The following CCDC178 variants were observed in gnomAD, a reference collection of about 807,000 sequenced individuals.
CCDC178 encodes the protein coiled-coil domain-containing protein 178.
In CCDC178, 126 loss-of-function variants were observed where a neutral mutation model predicts 117.4. The observed-to-expected ratio is 1.07, with a 90% CI of 0.93 to 1.24. CCDC178 has a LOEUF of 1.24. Among genes scored for constraint, CCDC178 ranks in the 50% most tolerant of loss-of-function variants. The pLI, the probability that CCDC178 is intolerant of heterozygous loss-of-function variation, is 0.00. For synonymous variants in CCDC178, 283 were observed against 313.4 expected, an observed-to-expected ratio of 0.90 and a Z score of 1.02; for missense variants, 1,030 against 986.9, an observed-to-expected ratio of 1.04 and a Z score of -0.59.
At chr18:33,314,512 A>T (rs866350652) in intron 11 of CCDC178, among the ~76,000 whole-genome samples, 14 of 152,274 alleles carry the variant, frequency 9.2e-5, no homozygotes, top group Middle Eastern at 6.8e-3. Flanking sequence ...AGAAAAATAA[A>T]ACTGAAGCCT....
intron 21 of CCDC178, among the ~76,000 whole-genome samples, chr18:32,994,385 G>T (rs760898210): frequency 1.3e-5 from 2 of 152,100 alleles, no homozygotes; most frequent in Non-Finnish European, 2.9e-5. Context: ...AAACTTTAAA[G>T]AATAAGAATT....
At chr18:33,102,215 G>C (rs1290438281) in intron 20 of CCDC178, among the ~76,000 whole-genome samples, 2 of 151,714 alleles carry the variant, frequency 1.3e-5, no homozygotes, top group African/African-American at 4.8e-5. Context: ...TCTTGCCCAA[G>C]GTCACACATG....
chr18:33,083,739 T>A (rs1212938529), intron 21 of CCDC178, among the ~76,000 whole-genome samples: 2 of 152,230 alleles, frequency 1.3e-5, no homozygotes, highest in African/African-American at 2.4e-5. Flanking sequence ...TAAGTTCATG[T>A]TTGACACAGA....
chr18:33,017,735 T>C (rs971679902), intron 21 of CCDC178, among the ~76,000 whole-genome samples: 2 of 151,812 alleles, frequency 1.3e-5, no homozygotes, highest in South Asian at 4.1e-4. Flanking sequence ...GATATAAGTA[T>C]AGAAACACAG....
Position 33,380,333 on chromosome 18 carries a change from T to A in CCDC178, c.208+9207A>T, listed in dbSNP as rs550519810. Among the ~76,000 whole-genome samples the A allele has an allele frequency of 3.3e-5, 5 of 152,334 alleles. No individual in the cohort carries two copies. In the East Asian group the frequency reaches 5.8e-4, roughly 18 times the overall value. ...TCCTGCTCCACAGAAAGCAAAGCAG[T>A]ACTCTAATTTCTGGTCTGAGACTAA... is the stretch of plus-strand genomic sequence containing the variant. On this transcript the variant is annotated intron_variant, in intron 5 of 22. Coordinates refer to ENST00000383096, the MANE Select transcript of CCDC178 (RefSeq NM_001105528.4).
intron 20 of CCDC178, among the ~76,000 whole-genome samples, chr18:33,101,521 TCTTTGTA>T (rs1403613105): frequency 1.3e-5 from 2 of 151,880 alleles, no homozygotes; most frequent in African/African-American, 4.8e-5. Flanking sequence ...AAGAATAATA[TCTTTGTA>T]CTGATGGCAC....
chr18:33,336,944 A>T (rs955562547), intron 9 of CCDC178, among the ~76,000 whole-genome samples: 1 of 151,930 alleles, frequency 6.6e-6, no homozygotes, highest in African/African-American at 2.4e-5. Context: ...GAATGGTGGT[A>T]GCATTTTGAT....
Position 32,974,584 on chromosome 18 carries a change from T to TATTC in CCDC178, c.2485_2486insGAAT (p.Asp829GlyfsTer51). On this transcript the variant is annotated frameshift_variant, in exon 22 of 23. Coordinates refer to ENST00000383096, the MANE Select transcript of CCDC178 (RefSeq NM_001105528.4). LOFTEE classifies it high-confidence loss of function. ...TATTTTCTGAATACTCTCCTGAGAG[T>TATTC]CTGTCTGGAAGTTGGCCAGCCTCAT... 5 of 1,613,592 alleles carry TATTC rather than the reference T, an allele frequency of 3.1e-6. No homozygotes were observed. Among genetic ancestry groups the TATTC allele is most frequent in the Non-Finnish European group, 2.5e-6 (3 of 1,179,752 alleles).
At chr18:33,111,509 G>A (rs1304581203) in intron 20 of CCDC178, among the ~76,000 whole-genome samples, 3 of 151,506 alleles carry the variant, frequency 2.0e-5, no homozygotes, top group Non-Finnish European at 4.4e-5. Flanking sequence ...TATATTTACT[G>A]AAAATTTTAA....
intron 20 of CCDC178, among the ~76,000 whole-genome samples, chr18:33,179,499 C>T (rs2058709729): frequency 1.3e-5 from 2 of 151,748 alleles, no homozygotes; most frequent in African/African-American, 4.8e-5. Flanking sequence ...CTATTCTCTG[C>T]CATAACACAA....
chr18:33,439,503 G>C (rs2064346996), intron 2 of CCDC178, among the ~76,000 whole-genome samples: 1 of 152,138 alleles, frequency 6.6e-6, no homozygotes, highest in African/African-American at 2.4e-5. Flanking sequence ...AAAGTAAGAA[G>C]TATTATATAT....
At chr18:33,306,422 G>GTGTA (rs2062250534) in intron 11 of CCDC178, among the ~76,000 whole-genome samples, 1 of 145,358 alleles carries the variant, frequency 6.9e-6, no homozygotes, top group Non-Finnish European at 1.5e-5. Flanking sequence ...TTGTGTGTGT[G>GTGTA]TGTGTGTGTG....
chr18:33,242,313 A>G (rs1230142199), intron 15 of CCDC178, among the ~76,000 whole-genome samples: 4 of 151,844 alleles, frequency 2.6e-5, no homozygotes, highest in Non-Finnish European at 5.9e-5. Context: ...AAGAGAAAAC[A>G]TAGGATAAAT....
At chr18:33,026,156 G>T (rs2056225178) in intron 21 of CCDC178, among the ~76,000 whole-genome samples, 1 of 152,054 alleles carries the variant, frequency 6.6e-6, no homozygotes, top group Admixed American at 6.6e-5. Flanking sequence ...TTCTTGAAAT[G>T]AAAAAATTAT....
chr18:33,235,877 A>G lies in CCDC178; in HGVS notation c.1594-9022T>C, dbSNP rs908380464. Among the ~76,000 whole-genome samples the G allele has an allele frequency of 3.3e-5, 5 of 152,246 alleles. No homozygotes were observed. The East Asian group carries it at 7.7e-4, about 23-fold the overall frequency. On this transcript the variant is annotated intron_variant, in intron 15 of 22. Coordinates refer to ENST00000383096, the MANE Select transcript of CCDC178 (RefSeq NM_001105528.4). ...TTAAATTGACTTATTCCCTATCCCA[A>G]TTGGCTAATTTTATTCTGACACTTG...
chr18:33,139,155 T>A (rs533502280), intron 20 of CCDC178, among the ~76,000 whole-genome samples: 2 of 152,328 alleles, frequency 1.3e-5, no homozygotes, highest in Admixed American at 1.3e-4. Flanking sequence ...CTGCCATCCA[T>A]GTAAGACATG....
At chr18:33,010,308 T>G (rs1421963265) in intron 21 of CCDC178, among the ~76,000 whole-genome samples, 2 of 152,138 alleles carry the variant, frequency 1.3e-5, no homozygotes, top group Non-Finnish European at 2.9e-5. Flanking sequence ...ATGTTTCAGA[T>G]GTAAAGTATT....
In CCDC178 at chr18:33,017,225, AT is replaced by A. The variant is rs77185585; in HGVS notation, c.2389-42545del. Among the ~76,000 whole-genome samples, 967 of 152,074 alleles carry A rather than the reference AT, an allele frequency of 6.4e-3. 15 individuals carry two copies. In the East Asian group the frequency reaches 0.073, roughly 11 times the overall value. On this transcript the variant is annotated intron_variant, in intron 21 of 22. Transcript: ENST00000383096. ...AAAATCTTAAAAAATCAGTAAAAAA[AT>A]ATTAGAACCAATGAATGGGTTCTGC...
chr18:33,114,810 G>A (rs930026385), intron 20 of CCDC178, among the ~76,000 whole-genome samples: 6 of 152,112 alleles, frequency 3.9e-5, no homozygotes, highest in African/African-American at 1.4e-4. Context: ...CCTAGGAGAA[G>A]TGAGAAGTGG....
Sources: allele counts gnomAD v4.1 joint callset (sites outside exome capture counted in the v4.1 genomes callset), GRCh38; gene constraint gnomAD v4.1.1; transcripts MANE v1.5; gene names NCBI Gene and HGNC (gene_info 2026-07-23, HGNC 2026-07-21).